RTN4: variants seen among roughly 807,000 people sequenced by gnomAD.
RTN4 encodes reticulon 4, also known as reticulon-4.
Under a neutral mutation model 90.4 loss-of-function variants are expected in RTN4, and 32 were observed. That is an observed-to-expected ratio of 0.35 (90% CI 0.27 to 0.48). The LOEUF is 0.48. RTN4 is among the 20% of genes least tolerant of loss of function. The probability of loss-of-function intolerance (pLI) is 0.99; values close to 1 mark genes in which losing one functional copy is unlikely to be tolerated. For synonymous variants in RTN4, 629 were observed against 552.5 expected (o/e 1.14, Z -1.94); for missense variants, 1,706 against 1,430.2 (o/e 1.19, Z -3.11).
intron 3 of RTN4, among the ~76,000 whole-genome samples, chr2:55,000,712 C>T (rs1265953177): frequency 6.6e-6 from 1 of 152,038 alleles, no homozygotes; most frequent in African/African-American, 2.4e-5. Flanking sequence ...TCAAGTCTGA[C>T]CATGAAGGTC....
intron 2 of RTN4, 105 bp downstream of exon 2, chr2:55,028,059 C>A: frequency 1.1e-6 from 1 of 917,196 alleles, no homozygotes; most frequent in Non-Finnish European, 1.6e-6. Flanking sequence ...ATTCTCGGAA[C>A]CATGCTAATT....
At chr2:55,129,109 C>CA in the RTN4 span, among the ~76,000 whole-genome samples, 35,897 of 98,816 alleles carry the variant, frequency 0.36, 5,340 homozygotes, top group Admixed American at 0.45. Flanking sequence ...GACTCCGTCT[C>CA]AAAAAAAAAA....
chr2:55,118,056 A>G, the RTN4 span, among the ~76,000 whole-genome samples: 11 of 152,198 alleles, frequency 7.2e-5, 1 homozygote, highest in Admixed American at 5.9e-4. Context: ...GGAAATTTGT[A>G]GCAACCCCAC....
chr2:55,088,549 A>T (rs1668883143), intron 1 of RTN4, among the ~76,000 whole-genome samples: 1 of 152,248 alleles, frequency 6.6e-6, no homozygotes, highest in Non-Finnish European at 1.5e-5. Flanking sequence ...CAACATACAG[A>T]TGTATTCATA....
At chr2:55,044,848 C>G (rs1304929730) in intron 1 of RTN4, among the ~76,000 whole-genome samples, 1 of 135,022 alleles carries the variant, frequency 7.4e-6, no homozygotes, top group Non-Finnish European at 1.6e-5. Flanking sequence ...AGGAACCAAT[C>G]TGAAACATAA....
Position 55,049,738 on chromosome 2 carries a change from C to T in RTN4, c.556+7G>A. ...GGCGGCGCGAAGCGAGAGGTCGCGG[C>T]ACTCACCCACTGAGCCCGAGGAGCC... On this transcript the variant is annotated splice_region_variant and intron_variant, in intron 1 of 8. Transcript: ENST00000337526. 7.2e-7 allele frequency: 1 copy of T among 1,381,078 alleles called. No homozygotes were observed. The highest frequency in any genetic ancestry group is 9.4e-7 in the Non-Finnish European group (1 of 1,062,636). The allele number at this position is 1,381,078 out of a possible 1,614,324, so 85.6% of individuals were successfully genotyped here. A position where few individuals can be genotyped will look rare whatever the true frequency, so the allele number is the denominator to read the frequency against.
chr2:55,031,535 C>G (rs532629343), intron 1 of RTN4, among the ~76,000 whole-genome samples: 1 of 152,328 alleles, frequency 6.6e-6, no homozygotes, highest in African/African-American at 2.4e-5. Context: ...GCCAAGAAAC[C>G]TATGGTAGAG....
At chr2:54,989,053 G>A (rs1247886681) in intron 3 of RTN4, among the ~76,000 whole-genome samples, 1 of 152,164 alleles carries the variant, frequency 6.6e-6, no homozygotes, top group Non-Finnish European at 1.5e-5. Context: ...GGGCTGCTTT[G>A]GTTTTGATCC....
intron 3 of RTN4, chr2:55,010,415 C>T (rs912212939): frequency 8.5e-7 from 1 of 1,173,612 alleles, no homozygotes; most frequent in Admixed American, 4.0e-5. Flanking sequence ...CCAAATGGAG[C>T]TGCATTTGCA....
rs1204809608 is a variant in RTN4, at chr2:55,070,773, GTTT to G, written c.-63+9713_-63+9715del. Among the ~76,000 whole-genome samples, 352 of 89,384 alleles carry G rather than the reference GTTT, an allele frequency of 3.9e-3. 3 individuals are homozygous for G. In the Admixed American group the frequency reaches 0.041, roughly 11 times the overall value. 58.6% of individuals were successfully genotyped at this position (89,384 alleles called of 152,430 possible). On this transcript the variant is annotated intron_variant, in intron 2 of 3. Transcript: ENST00000427710. The stretch of plus-strand genomic sequence containing the variant: ...TTTGTTGTTGTTGTTGTTGTTGTTT[GTTT>G]TTTTGTTTTTCGTTTTTTTTGACAG...
chr2:55,124,256 C>T, the RTN4 span, among the ~76,000 whole-genome samples: 2 of 152,174 alleles, frequency 1.3e-5, no homozygotes, highest in African/African-American at 4.8e-5. Context: ...TGTATTGAGG[C>T]CCCAACAACC....
At chr2:54,982,990 G>C (rs1678265185) in intron 4 of RTN4, among the ~76,000 whole-genome samples, 1 of 151,384 alleles carries the variant, frequency 6.6e-6, no homozygotes, top group Non-Finnish European at 1.5e-5. Flanking sequence ...ATTATCATGA[G>C]AATTCAGTGA....
chr2:54,983,925 CTA>C (rs1678346856), intron 4 of RTN4, among the ~76,000 whole-genome samples: 1 of 152,316 alleles, frequency 6.6e-6, no homozygotes, highest in South Asian at 2.1e-4. Context: ...TTCTGTGATT[CTA>C]TGACTCCAAC....
intron 1 of RTN4, among the ~76,000 whole-genome samples, chr2:55,031,125 A>G (rs1427652920): frequency 1.3e-5 from 2 of 152,354 alleles, no homozygotes; most frequent in East Asian, 1.9e-4. Context: ...TTAAAACCAT[A>G]GAACTTCTGC....
chr2:55,094,891 A>G (rs1025727971), intron 1 of RTN4, among the ~76,000 whole-genome samples: 1 of 152,224 alleles, frequency 6.6e-6, no homozygotes, highest in Non-Finnish European at 1.5e-5. Flanking sequence ...CACAGCAAGA[A>G]ATTCATATAA....
intron 3 of RTN4, among the ~76,000 whole-genome samples, chr2:55,022,944 A>T (rs1232147101): frequency 9.6e-6 from 1 of 104,696 alleles, no homozygotes; most frequent in Non-Finnish European, 2.3e-5. Flanking sequence ...GCTCTCCCGC[A>T]CATGCATTCT....
At chr2:55,022,349 C>T (rs896217768) in intron 3 of RTN4, among the ~76,000 whole-genome samples, 2 of 152,180 alleles carry the variant, frequency 1.3e-5, no homozygotes, top group Admixed American at 6.5e-5. Context: ...ACCCCCATTC[C>T]ACTGTGAACC....
chr2:55,125,058 T>G, the RTN4 span, among the ~76,000 whole-genome samples: 1 of 151,896 alleles, frequency 6.6e-6, no homozygotes, highest in Non-Finnish European at 1.5e-5. Context: ...TACACAAAAA[T>G]CAATTCAATA....
At chr2:55,098,434 C>T (rs1667790086) in intron 1 of RTN4, among the ~76,000 whole-genome samples, 1 of 151,866 alleles carries the variant, frequency 6.6e-6, no homozygotes, top group African/African-American at 2.4e-5. Context: ...CTCCAAATAC[C>T]CATCACCCAA....
Sources: allele counts gnomAD v4.1 joint callset (sites outside exome capture counted in the v4.1 genomes callset), GRCh38; gene constraint gnomAD v4.1.1; transcripts MANE v1.5; gene names NCBI Gene and HGNC (gene_info 2026-07-23, HGNC 2026-07-21).